Variants in WDFY4 observed in about 807,000 individuals in gnomAD.
The protein encoded by WDFY4 is WD repeat- and FYVE domain-containing protein 4.
WDFY4 carries 169 observed loss-of-function variants against 351.9 expected under a neutral mutation model. That is an observed-to-expected ratio of 0.48 (90% confidence interval 0.42 to 0.55). The LOEUF (loss-of-function observed/expected upper bound fraction) is 0.55. Among genes scored for constraint, WDFY4 ranks in the 20% least tolerant of loss-of-function variants. The pLI is 0.00. For synonymous variants in WDFY4, 1,622 were observed against 1,574.6 expected (o/e 1.03, Z -0.71); for missense variants, 3,803 against 3,935.6 (o/e 0.97, Z 0.90).
chr10:48,940,416 G>A (rs937422249), intron 47 of WDFY4, among the ~76,000 whole-genome samples: 2 of 152,344 alleles, frequency 1.3e-5, no homozygotes, highest in East Asian at 1.9e-4. Flanking sequence ...AATCTGCCAA[G>A]TAAAGAATTG....
intron 51 of WDFY4, 124 bp from the exon 52 acceptor site, chr10:48,957,005 G>A: frequency 7.7e-7 from 1 of 1,294,636 alleles, no homozygotes; most frequent in Non-Finnish European, 1.1e-6. Context: ...GTACACGTGT[G>A]TGAGGAGAGT....
In WDFY4 at chr10:48,885,682, A is replaced by G. The variant is rs77609440; in HGVS notation, c.7168-4897A>G. Reference sequence around the variant, plus strand: ...ATTTCCCAAATTAATATATATGTGTATATATGTAAAATATAAAACAATAAG... The same window carrying G: ...ATTTCCCAAATTAATATATATGTGTGTATATGTAAAATATAAAACAATAAG... On this transcript the variant is annotated intron_variant, in intron 43 of 61. Transcript: ENST00000325239. 5.4e-3 allele frequency among the ~76,000 whole-genome samples: 823 copies of G among 152,252 alleles called. 10 individuals carry two copies. Among genetic ancestry groups the G allele is most frequent in the Admixed American group, 0.016 (242 of 15,296 alleles).
intron 1 of WDFY4, among the ~76,000 whole-genome samples, chr10:48,687,424 T>G (rs373044379): frequency 1.3e-5 from 2 of 152,106 alleles, no homozygotes; most frequent in East Asian, 3.9e-4. Flanking sequence ...TTCTCCACTA[T>G]AAGGTTGTAA....
chr10:48,831,170 A>G (rs2068176267), intron 38 of WDFY4, among the ~76,000 whole-genome samples: 2 of 152,214 alleles, frequency 1.3e-5, no homozygotes, highest in South Asian at 4.1e-4. Context: ...GCCTGGGCTC[A>G]GGAACTTGAG....
intron 12 of WDFY4, among the ~76,000 whole-genome samples, chr10:48,759,614 C>T (rs922912893): frequency 6.6e-6 from 1 of 152,180 alleles, no homozygotes; most frequent in Non-Finnish European, 1.5e-5. Context: ...GGAAACCAAA[C>T]AAAGAAAATC....
At chr10:48,707,956 C>A (rs2063675230) in intron 1 of WDFY4, among the ~76,000 whole-genome samples, 1 of 151,900 alleles carries the variant, frequency 6.6e-6, no homozygotes, top group African/African-American at 2.4e-5. Flanking sequence ...ACAACTTAAT[C>A]CCCCACAAAA....
intron 19 of WDFY4, among the ~76,000 whole-genome samples, chr10:48,782,127 G>A (rs74559546): frequency 0.057 from 8,691 of 152,284 alleles, 591 homozygotes; most frequent in East Asian, 0.34. Context: ...GTAGAGACAC[G>A]GAACAGGGCT....
intron 4 of WDFY4, 70 bp from the exon 5 acceptor site, chr10:48,723,363 G>A (rs1280995633): frequency 2.6e-5 from 39 of 1,516,828 alleles, no homozygotes; most frequent in Non-Finnish European, 3.4e-5. Flanking sequence ...GCAGGGGCCT[G>A]ATCCTGGGTC....
At chr10:48,952,857 C>A (rs894039078) in intron 51 of WDFY4, among the ~76,000 whole-genome samples, 2 of 152,200 alleles carry the variant, frequency 1.3e-5, no homozygotes, top group African/African-American at 4.8e-5. Flanking sequence ...GGGTCCTATG[C>A]CTTTAGCTTA....
chr10:48,958,408 T>A (rs946504400), intron 52 of WDFY4, among the ~76,000 whole-genome samples: 6 of 152,140 alleles, frequency 3.9e-5, no homozygotes, highest in African/African-American at 1.4e-4. Context: ...AGGAGGCGGC[T>A]GGCCAGCCCG....
At position 48,764,101 on chromosome 10, in the gene WDFY4, G is replaced by A. The variant is rs1007396065; in HGVS notation, c.2553+3661G>A. On this transcript the variant is annotated intron_variant, in intron 13 of 61. Transcript: ENST00000325239. ...CCTAATACTCCCTACATCTATACCC[G>A]CTTTACACTATTCACTTGCTCTCTC... Among the ~76,000 whole-genome samples, 15 of 152,258 alleles carry A rather than the reference G, an allele frequency of 9.9e-5. 1 individual carries two copies. The South Asian group carries it at 1.7e-3, about 17-fold the overall frequency.
chr10:48,844,085 A>T (rs1042109237), intron 39 of WDFY4, among the ~76,000 whole-genome samples: 1 of 152,198 alleles, frequency 6.6e-6, no homozygotes, highest in Non-Finnish European at 1.5e-5. Flanking sequence ...CTGCTGCATG[A>T]GTTACAGCCG....
At chr10:48,913,276 G>T in intron 47 of WDFY4, 1 of 958,008 alleles carries the variant, frequency 1.0e-6, no homozygotes, top group Non-Finnish European at 1.6e-6. Flanking sequence ...TTATGGGCTT[G>T]GCTGAAAGAG....
intron 44 of WDFY4, among the ~76,000 whole-genome samples, chr10:48,893,245 T>C (rs1435761423): frequency 6.6e-6 from 1 of 152,256 alleles, no homozygotes; most frequent in Admixed American, 6.5e-5. Context: ...TTTCCCTTTT[T>C]ATAAGGACAC....
chr10:48,857,034 C>G lies in WDFY4; in HGVS notation c.6664-10231C>G, dbSNP rs576455628. Among the ~76,000 whole-genome samples, 4 of 152,162 alleles carry G rather than the reference C, an allele frequency of 2.6e-5. No homozygotes were observed. In the East Asian group the frequency reaches 7.7e-4, roughly 29 times the overall value. ...CATTTGAGATGACAGGTTTACTTTG[C>G]TCACTTTCAAGAAAATAGCTGCCAA... On this transcript the variant is annotated intron_variant, in intron 39 of 61. Transcript: ENST00000325239.
chr10:48,841,433 C>A (rs1205188256), intron 39 of WDFY4, among the ~76,000 whole-genome samples: 1 of 151,694 alleles, frequency 6.6e-6, no homozygotes, highest in Non-Finnish European at 1.5e-5. Context: ...GTAATTCCTG[C>A]CTTAAATTCT....
Position 48,947,691 on chromosome 10 carries a change from T to C in WDFY4, c.7977+722T>C, listed in dbSNP as rs73296697. 2.0e-3 allele frequency among the ~76,000 whole-genome samples: 300 copies of C among 152,192 alleles called. 1 individual carries two copies. Among genetic ancestry groups the C allele is most frequent in the Middle Eastern group, 6.8e-3 (2 of 294 alleles). On this transcript the variant is annotated intron_variant, in intron 51 of 61. Coordinates refer to ENST00000325239, the MANE Select transcript of WDFY4 (RefSeq NM_001394531.1). ...CTGTGAGGGTGCTGAGAAGTTCCTT[T>C]CCCCTCTTCCCCTCACAACCCTATC...
At chr10:48,836,265 CA>C (rs1454899268) in intron 39 of WDFY4, among the ~76,000 whole-genome samples, 1 of 152,200 alleles carries the variant, frequency 6.6e-6, no homozygotes, top group Non-Finnish European at 1.5e-5. Context: ...TTTTGTACAA[CA>C]TGCTTTTTGT....
In WDFY4 at chr10:48,726,020, T is replaced by A; in HGVS notation, c.731T>A (p.Leu244Gln). The A allele has an allele frequency of 1.3e-6, 2 of 1,551,628 alleles. No individual in the cohort carries two copies. ...TGGAAGGAACCCACCTTCTGCGTGCTAAGGGCAATCTCCAAGGCCCAGAAC... is the reference window on the plus strand; with the variant it reads ...TGGAAGGAACCCACCTTCTGCGTGCAAAGGGCAATCTCCAAGGCCCAGAAC... The part of the protein sequence containing the change: ...CFWKEPTFCV[L>Q]RAISKAQNLS... Residue 244 changes from leucine to glutamine, a missense_variant, in exon 6 of 62, where the codon CTA (leucine) becomes CAA (glutamine). By Grantham distance (113) the Leu-to-Gln change is moderately radical (BLOSUM62 -2). Around this residue, in one of 3 missense-constraint regions of WDFY4, gnomAD observed 488 missense variants for 456.8 expected, o/e 1.07. Coordinates refer to ENST00000325239, the MANE Select transcript of WDFY4 (RefSeq NM_001394531.1).
Sources: allele counts gnomAD v4.1 joint callset (sites outside exome capture counted in the v4.1 genomes callset), GRCh38; gene constraint gnomAD v4.1.1; regional missense constraint gnomAD v4.1.1; transcripts MANE v1.5; gene names NCBI Gene and HGNC (gene_info 2026-07-23, HGNC 2026-07-21).